Variants in LRRTM4 observed in about 807,000 individuals in gnomAD.
LRRTM4 encodes the protein leucine rich repeat transmembrane neuronal 4.
LRRTM4 carries 25 observed loss-of-function variants against 47.6 expected under a neutral mutation model. That is an observed-to-expected ratio of 0.53 (90% CI 0.38 to 0.73). The LOEUF (loss-of-function observed/expected upper bound fraction) is 0.73, where lower values mean the gene tolerates loss of function less well. LRRTM4 is among the 30% of genes least tolerant of loss of function. The probability of loss-of-function intolerance (pLI) is 0.00; values close to 1 mark genes in which losing one functional copy is unlikely to be tolerated. For missense variants in LRRTM4, 638 were observed against 713.4 expected (o/e 0.89, Z 1.20); for synonymous variants, 311 against 269.5 (o/e 1.15, Z -1.51).
chr2:76,993,858 T>G (rs1677100503), intron 3 of LRRTM4, among the ~76,000 whole-genome samples: 1 of 151,984 alleles, frequency 6.6e-6, no homozygotes, highest in South Asian at 2.1e-4. Flanking sequence ...TCAACCTAGG[T>G]GTCCACCATT....
intron 3 of LRRTM4, among the ~76,000 whole-genome samples, chr2:76,836,775 C>T (rs1343775554): frequency 6.6e-6 from 1 of 151,998 alleles, no homozygotes; most frequent in Non-Finnish European, 1.5e-5. Context: ...ATAGCCAATA[C>T]AGAACAGAAT....
At chr2:76,750,239 C>G (rs927898472) in intron 3 of LRRTM4, among the ~76,000 whole-genome samples, 1 of 152,116 alleles carries the variant, frequency 6.6e-6, no homozygotes, top group Non-Finnish European at 1.5e-5. Flanking sequence ...GCAGTATATC[C>G]AACATTTGAT....
chr2:77,281,281 G>C (rs1213809629), intron 3 of LRRTM4, among the ~76,000 whole-genome samples: 1 of 151,854 alleles, frequency 6.6e-6, no homozygotes, highest in Non-Finnish European at 1.5e-5. Flanking sequence ...TCATTCTTAG[G>C]ATTGAAGAAT....
chr2:76,807,876 C>T (rs747556656), intron 3 of LRRTM4, among the ~76,000 whole-genome samples: 13 of 150,662 alleles, frequency 8.6e-5, no homozygotes, highest in African/African-American at 2.7e-4. Flanking sequence ...CCACCGCACC[C>T]GGCCTATTTT....
intron 3 of LRRTM4, among the ~76,000 whole-genome samples, chr2:77,510,153 A>C (rs892967647): frequency 5.3e-5 from 8 of 152,186 alleles, no homozygotes; most frequent in Non-Finnish European, 8.8e-5. Context: ...TTAATAGTGA[A>C]ATGAATGCAT....
intron 3 of LRRTM4, among the ~76,000 whole-genome samples, chr2:77,301,308 T>C (rs1385959939): frequency 6.6e-6 from 1 of 152,072 alleles, no homozygotes; most frequent in Non-Finnish European, 1.5e-5. Context: ...GAATTTGAGA[T>C]ATATAACAAC....
chr2:76,928,257 T>C (rs889363700), intron 3 of LRRTM4, among the ~76,000 whole-genome samples: 1 of 152,210 alleles, frequency 6.6e-6, no homozygotes, highest in African/African-American at 2.4e-5. Context: ...TCAGTGTTAA[T>C]TGGAGTTCTC....
At chr2:77,212,835 A>T (rs1674333397) in intron 3 of LRRTM4, among the ~76,000 whole-genome samples, 1 of 152,144 alleles carries the variant, frequency 6.6e-6, no homozygotes, top group African/African-American at 2.4e-5. Context: ...TAAATAAAAG[A>T]TATCGTATTT....
At chr2:77,189,001 G>A (rs1673589672) in intron 3 of LRRTM4, among the ~76,000 whole-genome samples, 1 of 151,948 alleles carries the variant, frequency 6.6e-6, no homozygotes, top group South Asian at 2.1e-4. Context: ...TTATGAACAT[G>A]GAAGCCAATT....
At chr2:77,122,598 AC>A (rs553946642) in intron 3 of LRRTM4, among the ~76,000 whole-genome samples, 184 of 151,552 alleles carry the variant, frequency 1.2e-3, no homozygotes, top group Non-Finnish European at 2.4e-3. Context: ...ACATGCACAC[AC>A]CATTTCTGCA....
At chr2:77,231,757 A>C (rs1674971942) in intron 3 of LRRTM4, among the ~76,000 whole-genome samples, 1 of 152,148 alleles carries the variant, frequency 6.6e-6, no homozygotes, top group Non-Finnish European at 1.5e-5. Context: ...ATAGCAACAA[A>C]AGAAACCGAG....
At chr2:76,997,125 C>A (rs920103072) in intron 3 of LRRTM4, among the ~76,000 whole-genome samples, 8 of 152,032 alleles carry the variant, frequency 5.3e-5, no homozygotes, top group African/African-American at 1.9e-4. Context: ...TTTAATTAAC[C>A]TAATTTCCCC....
chr2:77,485,119 C>T (rs1012853451), intron 3 of LRRTM4, among the ~76,000 whole-genome samples: 4 of 151,880 alleles, frequency 2.6e-5, no homozygotes, highest in Non-Finnish European at 5.9e-5. Context: ...TGACAATTTT[C>T]CATGTGTCTG....
chr2:77,174,700 G>T (rs1673144241), intron 3 of LRRTM4, among the ~76,000 whole-genome samples: 2 of 151,958 alleles, frequency 1.3e-5, no homozygotes, highest in South Asian at 2.1e-4. Context: ...CAACGTGCAG[G>T]TTTGTTACAT....
intron 3 of LRRTM4, among the ~76,000 whole-genome samples, chr2:76,874,022 A>G (rs1452514187): frequency 6.6e-6 from 1 of 151,988 alleles, no homozygotes; most frequent in Non-Finnish European, 1.5e-5. Context: ...CTTGATAGCA[A>G]TCAAACATTT....
chr2:77,503,448 T>A (rs376606203), intron 3 of LRRTM4, among the ~76,000 whole-genome samples: 19 of 151,848 alleles, frequency 1.3e-4, no homozygotes, highest in African/African-American at 4.3e-4. Context: ...GGCTTACTTT[T>A]GGAAATGACT....
At chr2:77,262,013 C>T (rs1325835676) in intron 3 of LRRTM4, among the ~76,000 whole-genome samples, 5 of 151,980 alleles carry the variant, frequency 3.3e-5, no homozygotes, top group African/African-American at 4.8e-5. Flanking sequence ...GTCAAATCAG[C>T]GGTGGCATTA....
intron 3 of LRRTM4, among the ~76,000 whole-genome samples, chr2:76,934,928 A>G (rs564477508): frequency 6.6e-6 from 1 of 152,084 alleles, no homozygotes; most frequent in East Asian, 1.9e-4. Flanking sequence ...TTTGGAAAGT[A>G]CTTAGAGGAT....
intron 3 of LRRTM4, among the ~76,000 whole-genome samples, chr2:77,011,542 T>C (rs879751339): frequency 0.012 from 971 of 79,114 alleles, 22 homozygotes; most frequent in Middle Eastern, 0.011. Context: ...TGTGTGTGTG[T>C]GTGTGTGTGT....
Sources: gnomAD v4.1 joint callset for allele counts (sites outside exome capture counted in the v4.1 genomes callset) on GRCh38, gnomAD v4.1.1 for gene constraint, MANE v1.5 for transcripts, NCBI Gene and HGNC (gene_info 2026-07-23, HGNC 2026-07-21) for gene names.